SH3D19: variants seen among roughly 807,000 people sequenced by gnomAD.
SH3D19 encodes SH3 domain-containing protein 19.
Under a neutral mutation model 112.1 loss-of-function variants are expected in SH3D19, and 58 were observed. That is an observed-to-expected ratio of 0.52 (90% CI 0.42 to 0.64). SH3D19 has a LOEUF of 0.64. SH3D19 is among the 30% of genes least tolerant of loss of function. The pLI, the probability that SH3D19 is intolerant of heterozygous loss-of-function variation, is 0.00. For missense variants in SH3D19, 1,090 were observed against 1,263.4 expected (o/e 0.86, Z 2.08); for synonymous variants, 391 against 448.5 (o/e 0.87, Z 1.62).
chr4:151,312,525 C>G (rs182026975), intron 1 of SH3D19, among the ~76,000 whole-genome samples: 2 of 152,282 alleles, frequency 1.3e-5, no homozygotes, highest in Non-Finnish European at 2.9e-5. Context: ...CCTGGCCCTA[C>G]AGTAGAGATA....
intron 2 of SH3D19, among the ~76,000 whole-genome samples, chr4:151,221,008 C>G (rs1203222999): frequency 6.6e-6 from 1 of 152,190 alleles, no homozygotes; most frequent in Non-Finnish European, 1.5e-5. Flanking sequence ...GCAAGCAAAT[C>G]AACATCAAAA....
intron 1 of SH3D19, among the ~76,000 whole-genome samples, chr4:151,314,301 T>A (rs1188937326): frequency 1.3e-5 from 2 of 152,154 alleles, no homozygotes; most frequent in Non-Finnish European, 2.9e-5. Context: ...AAAACTATAT[T>A]CAGATTCTAA....
intron 1 of SH3D19, among the ~76,000 whole-genome samples, chr4:151,275,099 T>C (rs563308878): frequency 6.8e-4 from 104 of 152,128 alleles, no homozygotes; most frequent in Non-Finnish European, 1.1e-3. Flanking sequence ...ACGTTTTTTT[T>C]TTTTTGAGAC....
chr4:151,316,861 T>C (rs1281196314), intron 1 of SH3D19, among the ~76,000 whole-genome samples: 4 of 152,222 alleles, frequency 2.6e-5, no homozygotes, highest in Non-Finnish European at 5.9e-5. Flanking sequence ...TCCTGCCCTG[T>C]GTCAAGCTAT....
At chr4:151,306,547 CA>C (rs1227840801) in intron 1 of SH3D19, among the ~76,000 whole-genome samples, 8 of 152,066 alleles carry the variant, frequency 5.3e-5, no homozygotes, top group African/African-American at 1.9e-4. Context: ...TCAACTAAAA[CA>C]GGGGAAAAAA....
chr4:151,171,902 C>T (rs1759129265), intron 7 of SH3D19, among the ~76,000 whole-genome samples: 1 of 152,152 alleles, frequency 6.6e-6, no homozygotes, highest in African/African-American at 2.4e-5. Flanking sequence ...GGAAGGCATT[C>T]TACCCAAGAA....
At chr4:151,160,059 T>C (rs75113830) in intron 8 of SH3D19, among the ~76,000 whole-genome samples, 44 of 151,820 alleles carry the variant, frequency 2.9e-4, no homozygotes, top group African/African-American at 1.0e-3. Context: ...CACTCCCTCA[T>C]CCAAAAATAA....
chr4:151,257,079 A>G (rs117931083), intron 1 of SH3D19, among the ~76,000 whole-genome samples: 33 of 141,262 alleles, frequency 2.3e-4, no homozygotes, highest in African/African-American at 8.0e-4. Flanking sequence ...TTATTTATTT[A>G]TTTGTTTGTT....
At position 151,127,720 on chromosome 4, in the gene SH3D19, G is replaced by C; in HGVS notation, c.2930-5C>G. 6.4e-7 allele frequency: 1 copy of C among 1,560,944 alleles called. No homozygotes were observed. The highest frequency in any genetic ancestry group is 8.6e-7 in the Non-Finnish European group (1 of 1,158,162). The stretch of plus-strand genomic sequence containing the variant: ...CCAACATACTTTTTGCCTCAGCTGT[G>C]AAGACATAAAAAATTTAAATATATA... On this transcript the variant is annotated splice_region_variant and splice_polypyrimidine_tract_variant and intron_variant, in intron 18 of 19. Coordinates refer to ENST00000604030, the MANE Select transcript of SH3D19 (RefSeq NM_001378122.1).
intron 14 of SH3D19, among the ~76,000 whole-genome samples, chr4:151,135,420 C>CTTT (rs1579686237): frequency 1.1e-5 from 1 of 92,884 alleles, no homozygotes; most frequent in Non-Finnish European, 2.2e-5. Context: ...TTCTCTATCT[C>CTTT]ATTTTTTTTT....
intron 1 of SH3D19, among the ~76,000 whole-genome samples, chr4:151,276,693 A>ATT (rs1336704045): frequency 1.3e-5 from 2 of 152,238 alleles, no homozygotes; most frequent in Non-Finnish European, 2.9e-5. Flanking sequence ...TCTCTGTCTT[A>ATT]GAGTCTGTTT....
intron 9 of SH3D19, among the ~76,000 whole-genome samples, chr4:151,158,226 A>C (rs1482648980): frequency 6.6e-6 from 1 of 152,164 alleles, no homozygotes; most frequent in Non-Finnish European, 1.5e-5. Flanking sequence ...TTAAATTTAA[A>C]ACAGAGGAAA....
chr4:151,125,842 A>C (rs1475867639), intron 19 of SH3D19, among the ~76,000 whole-genome samples: 5 of 127,156 alleles, frequency 3.9e-5, no homozygotes, highest in Non-Finnish European at 8.3e-5. Flanking sequence ...TCCATCTCAA[A>C]AACAAAAAAA....
intron 8 of SH3D19, among the ~76,000 whole-genome samples, chr4:151,163,229 T>C (rs1316944914): frequency 2.0e-5 from 3 of 152,348 alleles, no homozygotes; most frequent in Non-Finnish European, 2.9e-5. Flanking sequence ...TCTTTGCTGA[T>C]TGTGCCTCAT....
intron 3 of SH3D19, among the ~76,000 whole-genome samples, chr4:151,184,765 TC>T (rs1234820500): frequency 6.6e-6 from 1 of 152,138 alleles, no homozygotes; most frequent in Non-Finnish European, 1.5e-5. Context: ...TCCATATCTC[TC>T]CTGTTCACCA....
intron 1 of SH3D19, among the ~76,000 whole-genome samples, chr4:151,315,969 T>C (rs902055338): frequency 6.6e-6 from 1 of 152,094 alleles, no homozygotes; most frequent in East Asian, 1.9e-4. Flanking sequence ...TTTAAAAAAA[T>C]TTCTTTTGAA....
At chr4:151,279,959 G>A (rs563572876) in intron 1 of SH3D19, 11 of 1,524,990 alleles carry the variant, frequency 7.2e-6, no homozygotes, top group South Asian at 4.6e-5. Context: ...GCATACAACC[G>A]TGAGTTCTAG....
chr4:151,173,319 G>A (rs1459386463), intron 7 of SH3D19, among the ~76,000 whole-genome samples: 1 of 152,174 alleles, frequency 6.6e-6, no homozygotes, highest in Non-Finnish European at 1.5e-5. Flanking sequence ...GTGTTGCCTG[G>A]TTAAGGATTC....
intron 1 of SH3D19, among the ~76,000 whole-genome samples, chr4:151,281,701 T>A (rs1239794432): frequency 1.3e-5 from 2 of 152,192 alleles, no homozygotes; most frequent in African/African-American, 4.8e-5. Flanking sequence ...ATTTATTTTG[T>A]ACATCTTATC....
Sources: allele counts gnomAD v4.1 joint callset (sites outside exome capture counted in the v4.1 genomes callset), GRCh38; gene constraint gnomAD v4.1.1; transcripts MANE v1.5; gene names NCBI Gene and HGNC (gene_info 2026-07-23, HGNC 2026-07-21).